The following PARPBP variants were observed in gnomAD, a reference collection of about 807,000 sequenced individuals.
The protein encoded by PARPBP is PCNA-interacting partner.
PARPBP carries 52 observed loss-of-function variants against 50.0 expected under a neutral mutation model. The ratio of observed to expected loss-of-function variants is 1.04; its 90% confidence interval spans 0.83 to 1.31. The LOEUF is 1.31. Among genes scored for constraint, PARPBP ranks in the 50% most tolerant of loss-of-function variants. The pLI, the probability that PARPBP is intolerant of heterozygous loss-of-function variation, is 0.00. For synonymous variants in PARPBP, 244 were observed against 232.1 expected (o/e 1.05, Z -0.47); for missense variants, 697 against 672.0 (o/e 1.04, Z -0.41).
At chr12:102,137,896 G>A (rs1250153285) in intron 2 of PARPBP, among the ~76,000 whole-genome samples, 2 of 152,112 alleles carry the variant, frequency 1.3e-5, no homozygotes, top group Non-Finnish European at 2.9e-5. Context: ...TCTTAATCCA[G>A]TCTATCATTC....
intron 6 of PARPBP, among the ~76,000 whole-genome samples, chr12:102,171,331 C>G (rs1234708263): frequency 1.3e-5 from 2 of 152,026 alleles, no homozygotes; most frequent in African/African-American, 4.8e-5. Context: ...CAAGCATCAC[C>G]ACAAACATGT....
intron 7 of PARPBP, 77 bp downstream of exon 7, chr12:102,175,743 A>G (rs1332469747): frequency 2.8e-5 from 25 of 897,028 alleles, no homozygotes; most frequent in Non-Finnish European, 4.1e-5. Context: ...ATGGTTTATT[A>G]TTGCTACTTA....
At chr12:102,153,665 T>C (rs1172673663) in intron 3 of PARPBP, among the ~76,000 whole-genome samples, 9 of 152,232 alleles carry the variant, frequency 5.9e-5, no homozygotes, top group Non-Finnish European at 8.8e-5. Flanking sequence ...ACTGCAGTTA[T>C]GTGGTCTTTA....
chr12:102,123,712 G>C (rs369141140), intron 1 of PARPBP, among the ~76,000 whole-genome samples, 174 bp from the exon 2 acceptor site: 1 of 152,068 alleles, frequency 6.6e-6, no homozygotes. Context: ...ATATGATTGC[G>C]CAGAAATTGT....
chr12:102,153,891 C>T lies in PARPBP; in HGVS notation c.410C>T (p.Ser137Phe), dbSNP rs1353510905. The T allele has an allele frequency of 1.2e-6, 2 of 1,605,996 alleles. No homozygotes were observed. Among genetic ancestry groups the T allele is most frequent in the Admixed American group, 3.3e-5 (2 of 59,952 alleles). ...CAGAGTCAACTACTGGATTTTCTGT[C>T]TGGCAAACAGTATGCAGTAGGTGAT... The part of the protein sequence containing the change: ...VSPSQLLDFL[S>F]GKQYAVGDET... Residue 137 changes from serine to phenylalanine, a missense_variant, in exon 4 of 11, where the codon TCT (serine) becomes TTT (phenylalanine). Coordinates refer to ENST00000327680, the MANE Select transcript of PARPBP (RefSeq NM_017915.5).
intron 2 of PARPBP, among the ~76,000 whole-genome samples, chr12:102,140,649 C>A (rs1210749638): frequency 6.6e-6 from 1 of 152,202 alleles, no homozygotes; most frequent in Non-Finnish European, 1.5e-5. Context: ...CTACACACTG[C>A]TTTAAATGTG....
At chr12:102,147,602 T>A (rs1885563314) in intron 2 of PARPBP, among the ~76,000 whole-genome samples, 1 of 149,718 alleles carries the variant, frequency 6.7e-6, no homozygotes, top group African/African-American at 2.4e-5. Flanking sequence ...CATTAGGAGA[T>A]ATACCTAATG....
chr12:102,175,487 G>T lies in PARPBP; in HGVS notation c.826G>T (p.Ala276Ser), dbSNP rs760740625. The stretch of plus-strand genomic sequence containing the variant: ...CAATCTAATTTCTATTTTCAGCATT[G>T]CAGGGGGTCAAATACTGTCAGTGAT... ...ILGEIPNPSIAGGQILSVIKM... is the reference protein window; with the variant it reads ...ILGEIPNPSISGGQILSVIKM... The change falls in exon 7 of 11, where the codon GCA becomes TCA. Residue 276 changes from alanine to serine, a missense_variant. By Grantham distance (99) the Ala-to-Ser change is moderately conservative. Transcript: ENST00000327680. The T allele has an allele frequency of 6.2e-7, 1 of 1,610,000 alleles. No homozygotes were observed. Among genetic ancestry groups the T allele is most frequent in the South Asian group, 1.1e-5 (1 of 90,714 alleles).
intron 9 of PARPBP, among the ~76,000 whole-genome samples, chr12:102,191,442 T>C (rs1362110116): frequency 6.6e-6 from 1 of 152,138 alleles, no homozygotes; most frequent in Non-Finnish European, 1.5e-5. Flanking sequence ...TAAGGTAAAC[T>C]TAGAATATTT....
At chr12:102,144,337 A>G (rs540022131) in intron 2 of PARPBP, among the ~76,000 whole-genome samples, 71 of 152,210 alleles carry the variant, frequency 4.7e-4, no homozygotes, top group African/African-American at 1.5e-3. Flanking sequence ...TCTTATGTCC[A>G]TCAGAGAATT....
chr12:102,131,939 AATGCCTGTAATCC>A (rs577012012), intron 2 of PARPBP, among the ~76,000 whole-genome samples: 2,069 of 152,206 alleles, frequency 0.014, 32 homozygotes, highest in Middle Eastern at 0.024. Context: ...CGCTGTGGCT[AATGCCTGTAATCC>A]CAGCACTTTG....
chr12:102,141,475 G>C (rs1339700740), intron 2 of PARPBP, among the ~76,000 whole-genome samples: 1 of 152,110 alleles, frequency 6.6e-6, no homozygotes, highest in Non-Finnish European at 1.5e-5. Flanking sequence ...GGAGCATTTA[G>C]CCCATTTACA....
intron 2 of PARPBP, among the ~76,000 whole-genome samples, chr12:102,132,881 AATTT>A (rs1883079781): frequency 6.6e-6 from 1 of 151,960 alleles, no homozygotes; most frequent in Non-Finnish European, 1.5e-5. Flanking sequence ...TTCTTGGTTA[AATTT>A]ATTTGTAAAA....
intron 8 of PARPBP, among the ~76,000 whole-genome samples, chr12:102,181,537 G>T (rs1889824209): frequency 6.6e-6 from 1 of 152,064 alleles, no homozygotes; most frequent in Admixed American, 6.6e-5. Flanking sequence ...TATGTGATAG[G>T]AATTTTTCAG....
chr12:102,164,298 T>TA (rs1887897470), intron 4 of PARPBP, 140 bp from the exon 5 acceptor site: 1 of 646,722 alleles, frequency 1.5e-6, no homozygotes, highest in South Asian at 2.0e-5. Context: ...AACCTGTTTT[T>TA]ATATGGCAGT....
intron 4 of PARPBP, among the ~76,000 whole-genome samples, chr12:102,160,271 A>G (rs973075742): frequency 3.9e-5 from 6 of 152,212 alleles, no homozygotes; most frequent in African/African-American, 1.4e-4. Flanking sequence ...AGTTTGCCCA[A>G]CATCACAGAT....
At chr12:102,138,032 G>C (rs879600786) in intron 2 of PARPBP, among the ~76,000 whole-genome samples, 7 of 152,186 alleles carry the variant, frequency 4.6e-5, no homozygotes, top group Non-Finnish European at 8.8e-5. Context: ...TAATGGGATG[G>C]CTGGGTCAAA....
At chr12:102,160,587 CATATT>C (rs1449341152) in intron 4 of PARPBP, among the ~76,000 whole-genome samples, 7 of 152,280 alleles carry the variant, frequency 4.6e-5, no homozygotes, top group South Asian at 2.1e-4. Context: ...AATGGAAACT[CATATT>C]ATAGACTTGT....
chr12:102,182,452 T>C lies in PARPBP; in HGVS notation c.1185-97T>C, dbSNP rs1352253739. The C allele has an allele frequency of 6.3e-6, 5 of 792,798 alleles. No individual in the cohort carries two copies. The African/African-American group carries it at 8.7e-5, about 14-fold the overall frequency. 49.1% of individuals were successfully genotyped at this position (792,798 alleles called of 1,614,324 possible). ...ACCCCATCATAAGTTGAGGAAAAAC[T>C]AGATTGTATTGGGAATTAAGTTTCA... On this transcript the variant is annotated intron_variant, in intron 8 of 10. Transcript: ENST00000327680.
Sources: allele counts gnomAD v4.1 joint callset (sites outside exome capture counted in the v4.1 genomes callset), GRCh38; gene constraint gnomAD v4.1.1; transcripts MANE v1.5; gene names NCBI Gene and HGNC (gene_info 2026-07-23, HGNC 2026-07-21).